The following IL34 variants were observed in gnomAD, a reference collection of about 807,000 sequenced individuals.
IL34 encodes the protein interleukin-34.
IL34 carries 17 observed loss-of-function variants against 25.3 expected under a neutral mutation model. That is an observed-to-expected ratio of 0.67 (90% CI 0.46 to 1.01). The LOEUF (loss-of-function observed/expected upper bound fraction) is 1.01. Ranked by LOEUF, IL34 falls within the 50% of genes least tolerant of loss-of-function variation. The pLI is 0.00. For synonymous variants in IL34, 174 were observed against 140.9 expected, an observed-to-expected ratio of 1.23 and a Z score of -1.66; for missense variants, 368 against 312.9, an observed-to-expected ratio of 1.18 and a Z score of -1.33.
chr16:70,610,525 G>C (rs1469431548), intron 1 of IL34, among the ~76,000 whole-genome samples: 1 of 152,212 alleles, frequency 6.6e-6, no homozygotes, highest in Non-Finnish European at 1.5e-5. Flanking sequence ...CCAGAACCAG[G>C]CTCTGTCCCC....
At chr16:70,628,958 T>G (rs1039100095) in intron 1 of IL34, among the ~76,000 whole-genome samples, 1 of 151,962 alleles carries the variant, frequency 6.6e-6, no homozygotes, top group East Asian at 1.9e-4. Context: ...CAACTAACTT[T>G]TGTATTTTTA....
At chr16:70,598,522 T>G (rs2151814925) in intron 1 of IL34, among the ~76,000 whole-genome samples, 1 of 152,232 alleles carries the variant, frequency 6.6e-6, no homozygotes, top group Admixed American at 6.5e-5. Flanking sequence ...GCGGATCACC[T>G]GAGGTCAAGA....
intron 1 of IL34, among the ~76,000 whole-genome samples, chr16:70,603,971 G>A (rs879457095): frequency 3.3e-5 from 5 of 152,200 alleles, no homozygotes; most frequent in African/African-American, 4.8e-5. Context: ...AGATTTGCCA[G>A]CCCTTGACTG....
At chr16:70,589,180 TAGTG>T (rs1318651576) in intron 1 of IL34, among the ~76,000 whole-genome samples, 3 of 151,966 alleles carry the variant, frequency 2.0e-5, no homozygotes, top group Non-Finnish European at 4.4e-5. Context: ...CTGGGGAACA[TAGTG>T]AGACTCTGTC....
Position 70,622,325 on chromosome 16 carries a change from C to T in IL34, c.-400-24223C>T, listed in dbSNP as rs900006900. ...ATAAAGCTAATTTGCCAGTCCTGGG[C>T]GGGGGCAAATCCCTGAGCTTGATGT... On this transcript the variant is annotated intron_variant, in intron 1 of 6. Transcript: ENST00000429149. 2.0e-4 allele frequency among the ~76,000 whole-genome samples: 31 copies of T among 151,862 alleles called. 1 individual carries two copies. Among genetic ancestry groups the T allele is most frequent in the African/African-American group, 3.9e-4 (16 of 41,340 alleles).
chr16:70,598,166 G>T lies in IL34; in HGVS notation c.-401+18117G>T, dbSNP rs114506564. Among the ~76,000 whole-genome samples, 324 of 152,124 alleles carry T rather than the reference G, an allele frequency of 2.1e-3. 1 individual carries two copies. Among genetic ancestry groups the T allele is most frequent in the African/African-American group, 7.5e-3 (312 of 41,500 alleles). On this transcript the variant is annotated intron_variant, in intron 1 of 6. Coordinates refer to the IL34 transcript ENST00000429149. ...TGGTTGAAGGGACAGTTCCTTAAAG[G>T]GTCTGAGATGCTTCTCCATCTTGGC...
intron 1 of IL34, among the ~76,000 whole-genome samples, chr16:70,632,909 AT>A (rs969700042): frequency 7.9e-5 from 12 of 152,130 alleles, no homozygotes; most frequent in African/African-American, 2.9e-4. Context: ...GCAATTTTCT[AT>A]TGTTAAAATT....
chr16:70,625,293 G>T (rs1161381243), intron 1 of IL34, among the ~76,000 whole-genome samples: 1 of 151,758 alleles, frequency 6.6e-6, no homozygotes, highest in African/African-American at 2.4e-5. Context: ...GATATGGAGG[G>T]AAGGGGTTCG....
intron 1 of IL34, among the ~76,000 whole-genome samples, chr16:70,623,219 T>A (rs541166918): frequency 6.6e-6 from 1 of 152,058 alleles, no homozygotes; most frequent in Non-Finnish European, 1.5e-5. Context: ...TCAGTCCAAG[T>A]GAAAGCGAAG....
At chr16:70,656,130 C>A (rs1210744525) in intron 2 of IL34, among the ~76,000 whole-genome samples, 1 of 152,152 alleles carries the variant, frequency 6.6e-6, no homozygotes, top group African/African-American at 2.4e-5. Context: ...CACCCTGAGT[C>A]CCAGAGGAAA....
intron 4 of IL34, among the ~76,000 whole-genome samples, chr16:70,657,811 CATTCATGT>C (rs1452533588): frequency 6.6e-6 from 1 of 152,184 alleles, no homozygotes; most frequent in Non-Finnish European, 1.5e-5. Context: ...CTGTATAATG[CATTCATGT>C]TGTATACATG....
At chr16:70,583,382 A>G (rs2050656500) in intron 1 of IL34, among the ~76,000 whole-genome samples, 1 of 151,810 alleles carries the variant, frequency 6.6e-6, no homozygotes, top group Non-Finnish European at 1.5e-5. Context: ...GATTACAGGC[A>G]TGAGCCACCG....
intron 1 of IL34, among the ~76,000 whole-genome samples, chr16:70,618,536 C>T (rs2151834121): frequency 6.6e-6 from 1 of 152,234 alleles, no homozygotes; most frequent in East Asian, 1.9e-4. Context: ...TTTTGAGGGC[C>T]TCTAAAAGTA....
intron 1 of IL34, among the ~76,000 whole-genome samples, chr16:70,618,365 G>A (rs1357042138): frequency 6.6e-6 from 1 of 152,100 alleles, no homozygotes; most frequent in Non-Finnish European, 1.5e-5. Context: ...AGGCCGGATT[G>A]AAGTCTGGGC....
chr16:70,618,968 G>C (rs962865417), intron 1 of IL34, among the ~76,000 whole-genome samples: 12 of 152,158 alleles, frequency 7.9e-5, no homozygotes, highest in African/African-American at 2.2e-4. Flanking sequence ...ATGTAGAACA[G>C]AATAATGGGT....
chr16:70,636,072 T>C (rs917685240), intron 1 of IL34, among the ~76,000 whole-genome samples: 11 of 151,594 alleles, frequency 7.3e-5, no homozygotes, highest in African/African-American at 2.4e-4. Flanking sequence ...ACAGTCTCGC[T>C]CTGTTGCCCA....
At chr16:70,629,160 C>T (rs964597664) in intron 1 of IL34, among the ~76,000 whole-genome samples, 2 of 152,146 alleles carry the variant, frequency 1.3e-5, no homozygotes, top group South Asian at 2.1e-4. Flanking sequence ...GAAATAACTT[C>T]ACCTCCTCCT....
intron 1 of IL34, among the ~76,000 whole-genome samples, chr16:70,608,200 C>T (rs1013272956): frequency 4.1e-5 from 6 of 147,894 alleles, no homozygotes; most frequent in African/African-American, 1.3e-4. Context: ...GTGCTCTCGG[C>T]TCACTGCAAC....
At chr16:70,651,089 G>T (rs2052066752) in intron 1 of IL34, among the ~76,000 whole-genome samples, 1 of 152,122 alleles carries the variant, frequency 6.6e-6, no homozygotes, top group Admixed American at 6.6e-5. Context: ...GCGCGCACCT[G>T]TAATCCCAGG....
Sources: allele counts gnomAD v4.1 joint callset (sites outside exome capture counted in the v4.1 genomes callset), GRCh38; gene constraint gnomAD v4.1.1; transcripts MANE v1.5; gene names NCBI Gene and HGNC (gene_info 2026-07-23, HGNC 2026-07-21).